The following PEX5L variants were observed in gnomAD, a reference collection of about 807,000 sequenced individuals.
The protein encoded by PEX5L is peroxisomal biogenesis factor 5 like, also known as PEX5-related protein.
In PEX5L, 30 loss-of-function variants were observed where a neutral mutation model predicts 84.0. The ratio of observed to expected loss-of-function variants is 0.36; its 90% confidence interval spans 0.27 to 0.48. PEX5L has a LOEUF of 0.48. PEX5L is among the 20% of genes least tolerant of loss of function. PEX5L has a pLI of 0.99. For missense variants in PEX5L, 533 were observed against 754.6 expected (o/e 0.71, Z 3.44); for synonymous variants, 270 against 283.1 (o/e 0.95, Z 0.46).
At chr3:179,851,814 A>G (rs1429936974) in intron 8 of PEX5L, among the ~76,000 whole-genome samples, 1 of 152,230 alleles carries the variant, frequency 6.6e-6, no homozygotes, top group Non-Finnish European at 1.5e-5. Context: ...ACTGTCACAA[A>G]AAAGGTTTTC....
intron 2 of PEX5L, among the ~76,000 whole-genome samples, chr3:179,901,560 A>G (rs1052726828): frequency 2.0e-5 from 3 of 152,242 alleles, no homozygotes; most frequent in Admixed American, 6.5e-5. Context: ...TCCTCCAGCA[A>G]TAATTTCAGC....
rs992246106 is a variant in PEX5L at position 179,925,421 on chromosome 3, T to A, written c.94-27175A>T. Among the ~76,000 whole-genome samples, 6 of 152,282 alleles carry A rather than the reference T, an allele frequency of 3.9e-5. No individual in the cohort carries two copies. In the South Asian group the frequency reaches 1.2e-3, roughly 32 times the overall value. Reference sequence around the variant, plus strand: ...CAAGTGAGCACAGATACTACACATATTTTTATCCTATCCTTCTAATGACAA... The same window carrying A: ...CAAGTGAGCACAGATACTACACATAATTTTATCCTATCCTTCTAATGACAA... On this transcript the variant is annotated intron_variant, in intron 2 of 14. Coordinates refer to ENST00000467460, the MANE Select transcript of PEX5L (RefSeq NM_016559.3).
At chr3:179,902,841 T>TA (rs1451716017) in intron 2 of PEX5L, among the ~76,000 whole-genome samples, 1 of 152,294 alleles carries the variant, frequency 6.6e-6, no homozygotes, top group African/African-American at 2.4e-5. Flanking sequence ...TCAGAGATAT[T>TA]AAACAGAAGA....
In PEX5L at chr3:179,796,457, C is replaced by T. The variant is rs953671088; in HGVS notation, c.*5371G>A. ...CAGAAGCTGCAGGTAGTGGAAACTTCGTTCAAGGCAAAATACCACATGAGA... is the reference window on the plus strand; with the variant it reads ...CAGAAGCTGCAGGTAGTGGAAACTTTGTTCAAGGCAAAATACCACATGAGA... On this transcript the variant is annotated 3_prime_UTR_variant, in exon 15 of 15. Transcript: ENST00000467460. 3 of 151,636 alleles carry T rather than the reference C, an allele frequency of 2.0e-5. No homozygotes were observed. The highest frequency in any genetic ancestry group is 4.8e-5 in the African/African-American group (2 of 41,288). The allele number at this position is 151,636 out of a possible 1,614,324, so 9.4% of individuals were successfully genotyped here. A position where few individuals can be genotyped will look rare whatever the true frequency, so the allele number is the denominator to read the frequency against.
At chr3:179,930,017 T>C (rs546911946) in intron 2 of PEX5L, among the ~76,000 whole-genome samples, 2 of 152,178 alleles carry the variant, frequency 1.3e-5, no homozygotes, top group South Asian at 4.1e-4. Context: ...CTGTTTTGTA[T>C]GTATTTTTCA....
chr3:179,932,255 A>C (rs1189475875), intron 2 of PEX5L, among the ~76,000 whole-genome samples: 1 of 152,056 alleles, frequency 6.6e-6, no homozygotes, highest in Non-Finnish European at 1.5e-5. Context: ...TTTTACATAA[A>C]GTTGTGTGTG....
In PEX5L at chr3:179,879,172, TC is replaced by T. The variant is rs369511068; in HGVS notation, c.505+756del. ...CACAGCCAGGGAAGATTCATGTTCCTCTTGGCTTTCTAAGATACCTGTCACT... is the reference window on the plus strand; with the variant it reads ...CACAGCCAGGGAAGATTCATGTTCCTTTGGCTTTCTAAGATACCTGTCACT... On this transcript the variant is annotated intron_variant, in intron 5 of 14. Transcript: ENST00000467460. Among the ~76,000 whole-genome samples the T allele has an allele frequency of 2.8e-3, 423 of 152,330 alleles. 3 individuals are homozygous for T. The highest frequency in any genetic ancestry group is 9.8e-3 in the African/African-American group (408 of 41,566).
In PEX5L at chr3:179,880,023, G is replaced by A. The variant is rs1323383363; in HGVS notation, c.411C>T (p.Leu137=). The A allele has an allele frequency of 6.2e-7, 1 of 1,613,996 alleles. No homozygotes were observed. The highest frequency in any genetic ancestry group is 1.7e-5 in the Admixed American group (1 of 60,004). The stretch of plus-strand genomic sequence containing the variant: ...GGTCAGATCCATCGGCCTTTTTCTT[G>A]AGGGATGAGGTTTTTGATGAGGGCT... ...KSEPSSKTSS[L]KKKADGSDLI... is the part of the protein sequence containing the mutation. Residue 137 remains leucine (L), a synonymous_variant, in exon 5 of 15, where the codon CTC becomes CTT. Coordinates refer to ENST00000467460, the MANE Select transcript of PEX5L (RefSeq NM_016559.3).
intron 14 of PEX5L, among the ~76,000 whole-genome samples, chr3:179,802,338 C>G (rs1160022153): frequency 6.6e-6 from 1 of 151,804 alleles, no homozygotes; most frequent in Admixed American, 6.6e-5. Flanking sequence ...AGTTCAAGAT[C>G]AGCCTGGCCA....
At chr3:179,904,763 T>C (rs1560628713) in intron 2 of PEX5L, among the ~76,000 whole-genome samples, 1 of 152,170 alleles carries the variant, frequency 6.6e-6, no homozygotes, top group African/African-American at 2.4e-5. Context: ...ATGGGCCCTA[T>C]GCACTGTGTC....
At chr3:179,829,077 G>GCA (rs1396062150) in intron 8 of PEX5L, among the ~76,000 whole-genome samples, 2 of 152,160 alleles carry the variant, frequency 1.3e-5, no homozygotes, top group African/African-American at 2.4e-5. Context: ...CTTTGAAACT[G>GCA]CATATAATTA....
chr3:179,869,198 T>C (rs954140860), intron 7 of PEX5L, among the ~76,000 whole-genome samples: 1 of 152,182 alleles, frequency 6.6e-6, no homozygotes, highest in African/African-American at 2.4e-5. Context: ...AAGCCTGTCT[T>C]GGAGCTCCCC....
Position 179,796,801 on chromosome 3 carries a change from A to C in PEX5L, c.*5027T>G, listed in dbSNP as rs773053491. On this transcript the variant is annotated 3_prime_UTR_variant, in exon 15 of 15. Transcript: ENST00000467460. ...ATCACCTCATCACTCCCTAAATATC[A>C]GTGTTTTTAGACCTGTTGATCAAGT... 6.6e-5 allele frequency: 10 copies of C among 152,138 alleles called. No homozygotes were observed. Among genetic ancestry groups the C allele is most frequent in the Non-Finnish European group, 1.3e-4 (9 of 68,028 alleles). 9.4% of individuals were successfully genotyped at this position (152,138 alleles called of 1,614,324 possible). A position where few individuals can be genotyped will look rare whatever the true frequency, so the allele number is the denominator to read the frequency against.
At chr3:179,952,091 A>G (rs1400995323) in intron 2 of PEX5L, among the ~76,000 whole-genome samples, 1 of 152,214 alleles carries the variant, frequency 6.6e-6, no homozygotes, top group Non-Finnish European at 1.5e-5. Context: ...TTCTGCTACT[A>G]TACTTTGCTT....
At chr3:180,031,233 T>C (rs1791436430) in intron 1 of PEX5L, among the ~76,000 whole-genome samples, 1 of 152,166 alleles carries the variant, frequency 6.6e-6, no homozygotes, top group Non-Finnish European at 1.5e-5. Context: ...TTAACTATCT[T>C]CCTGTTTATA....
chr3:180,019,965 C>T (rs151121940), intron 1 of PEX5L, among the ~76,000 whole-genome samples: 143 of 152,228 alleles, frequency 9.4e-4, no homozygotes, highest in African/African-American at 3.2e-3. Context: ...GGCTTCTTAA[C>T]GAATTAATGT....
At chr3:179,944,002 C>A (rs1440451092) in intron 2 of PEX5L, among the ~76,000 whole-genome samples, 1 of 149,586 alleles carries the variant, frequency 6.7e-6, no homozygotes, top group East Asian at 2.0e-4. Flanking sequence ...ATATGCCCTC[C>A]CCCCCCCAAA....
chr3:179,807,470 T>A (rs984630790), intron 14 of PEX5L, among the ~76,000 whole-genome samples: 2 of 152,240 alleles, frequency 1.3e-5, no homozygotes, highest in African/African-American at 2.4e-5. Flanking sequence ...AGCCAACTGC[T>A]GCTCTCTAAA....
chr3:179,811,382 G>C (rs1218121523), intron 11 of PEX5L, among the ~76,000 whole-genome samples: 2 of 152,158 alleles, frequency 1.3e-5, no homozygotes, highest in South Asian at 4.1e-4. Context: ...CTCTAGTCAA[G>C]TAGGGTGTAA....
Sources: allele counts gnomAD v4.1 joint callset (sites outside exome capture counted in the v4.1 genomes callset), GRCh38; gene constraint gnomAD v4.1.1; transcripts MANE v1.5; gene names NCBI Gene and HGNC (gene_info 2026-07-23, HGNC 2026-07-21).